Variants in ACOT7 observed in about 807,000 individuals in gnomAD.
ACOT7 encodes the protein acyl-CoA thioesterase 7, also known as cytosolic acyl coenzyme A thioester hydrolase.
In ACOT7, 12 loss-of-function variants were observed where a neutral mutation model predicts 40.2. The ratio of observed to expected loss-of-function variants is 0.30; its 90% CI spans 0.19 to 0.48. The LOEUF is 0.48. ACOT7 is among the 20% of genes least tolerant of loss of function. ACOT7 has a pLI of 0.99. For missense variants in ACOT7, 395 were observed against 530.8 expected, an observed-to-expected ratio of 0.74 and a Z score of 2.51; for synonymous variants, 228 against 219.5, an observed-to-expected ratio of 1.04 and a Z score of -0.34.
Position 6,306,965 on chromosome 1 carries a change from C to T in ACOT7, c.712+11527G>A, listed in dbSNP as rs1397835486. ...AGCGTCTTGGTGGAGGCCTCACTTG[C>T]GTCCCCTCCCATGTTTTCTCTGCCT... On this transcript the variant is annotated intron_variant, in intron 6 of 8. Coordinates refer to ENST00000361521, the MANE Select transcript of ACOT7 (RefSeq NM_007274.4). This position sits in a 1 kb window ranked among gnomAD's most constrained non-coding sequence, Gnocchi z 4.3. 4 of 1,254,840 alleles carry T rather than the reference C, an allele frequency of 3.2e-6. No individual in the cohort carries two copies. The highest frequency in any genetic ancestry group is 4.2e-6 in the Non-Finnish European group (4 of 958,302). The allele number at this position is 1,254,840 out of a possible 1,614,324, so 77.7% of individuals were successfully genotyped here.
At chr1:6,384,702 TC>T (rs1328090085) in intron 1 of ACOT7, among the ~76,000 whole-genome samples, 1 of 151,656 alleles carries the variant, frequency 6.6e-6, no homozygotes, top group African/African-American at 2.4e-5. Context: ...CCAGCTCCCA[TC>T]CTGAAGCTAT....
chr1:6,382,177 G>C (rs912152337), intron 1 of ACOT7, among the ~76,000 whole-genome samples: 1 of 151,326 alleles, frequency 6.6e-6, no homozygotes, highest in African/African-American at 2.4e-5. Flanking sequence ...ACTTTGGGAG[G>C]CCGAGGCAGG....
chr1:6,393,137 CG>C, intron 1 of ACOT7, 119 bp downstream of exon 1: 1 of 1,091,454 alleles, frequency 9.2e-7, no homozygotes, highest in Non-Finnish European at 1.1e-6. Flanking sequence ...GAAGGCCGTG[CG>C]GGGAATCGGC....
At chr1:6,313,987 C>T (rs1046980081) in intron 6 of ACOT7, among the ~76,000 whole-genome samples, 16 of 152,228 alleles carry the variant, frequency 1.1e-4, no homozygotes, top group African/African-American at 3.6e-4. Flanking sequence ...CCAACCCAGG[C>T]GAGTGCAAAG....
chr1:6,290,846 C>T (rs1639641463), intron 7 of ACOT7, among the ~76,000 whole-genome samples: 1 of 152,230 alleles, frequency 6.6e-6, no homozygotes, highest in Admixed American at 6.5e-5. Flanking sequence ...TCTCTGAAGT[C>T]AGGGTCCGGA....
chr1:6,392,603 G>C (rs114818985), intron 1 of ACOT7, among the ~76,000 whole-genome samples: 1 of 152,152 alleles, frequency 6.6e-6, no homozygotes, highest in African/African-American at 2.4e-5. Flanking sequence ...ATGCTTTCAG[G>C]CCCAACAGAC....
intron 7 of ACOT7, among the ~76,000 whole-genome samples, chr1:6,286,828 T>G (rs1186393801): frequency 6.6e-6 from 1 of 152,196 alleles, no homozygotes; most frequent in African/African-American, 2.4e-5. Context: ...ACTGCCCGCA[T>G]TCATTATGTC....
chr1:6,264,875 G>A (rs189098509), intron 8 of ACOT7, among the ~76,000 whole-genome samples, 180 bp from the exon 9 acceptor site: 6 of 152,330 alleles, frequency 3.9e-5, no homozygotes, highest in Non-Finnish European at 8.8e-5. Context: ...CCAGGCATGG[G>A]GCTCATGTCC....
chr1:6,283,839 T>C (rs1194423636), intron 7 of ACOT7, among the ~76,000 whole-genome samples: 1 of 152,152 alleles, frequency 6.6e-6, no homozygotes, highest in African/African-American at 2.4e-5. Context: ...ACTTTAAAAC[T>C]GGAAACCTAA....
In ACOT7 at chr1:6,289,332, T is replaced by C. The variant is rs1161434877; in HGVS notation, c.829+5532A>G. 6.6e-6 allele frequency among the ~76,000 whole-genome samples: 1 copy of C among 152,108 alleles called. No homozygotes were observed. Among genetic ancestry groups the C allele is most frequent in the Non-Finnish European group, 1.5e-5 (1 of 68,018 alleles). ...CCAGGCTGGTCTCGAACTCCTGACC[T>C]CAGGTGATCAGACTGCCTCGGCCTC... On this transcript the variant is annotated intron_variant, in intron 7 of 8. Transcript: ENST00000361521. The surrounding 1 kb of genome is among the most constrained non-coding windows in gnomAD (Gnocchi z 4.6).
At chr1:6,388,451 G>A (rs1444343091) in intron 1 of ACOT7, among the ~76,000 whole-genome samples, 1 of 151,078 alleles carries the variant, frequency 6.6e-6, no homozygotes, top group Non-Finnish European at 1.5e-5. Flanking sequence ...ACCAAAGACA[G>A]AGCCCGGCCT....
At chr1:6,331,140 A>C (rs1640941023) in intron 4 of ACOT7, among the ~76,000 whole-genome samples, 1 of 152,158 alleles carries the variant, frequency 6.6e-6, no homozygotes, top group Non-Finnish European at 1.5e-5. Flanking sequence ...AAGCAGGGAG[A>C]GAACAGCCCC....
Position 6,338,267 on chromosome 1 carries a change from CGG to C in ACOT7, c.418+1164_418+1165del, listed in dbSNP as rs1641164537. Among the ~76,000 whole-genome samples the C allele has an allele frequency of 1.3e-5, 2 of 152,192 alleles. No homozygotes were observed. The highest frequency in any genetic ancestry group is 1.3e-4 in the Admixed American group (2 of 15,284). ...GCCAAGGCTCCACCCCCAGCACAGTCGGAGAAGAGCTGCGATCTCACAGGAGA... is the reference window on the plus strand; with the variant it reads ...GCCAAGGCTCCACCCCCAGCACAGTCAGAAGAGCTGCGATCTCACAGGAGA... On this transcript the variant is annotated intron_variant, in intron 3 of 8. Transcript: ENST00000361521. This position sits in a 1 kb window ranked among gnomAD's most constrained non-coding sequence, Gnocchi z 4.4.
At chr1:6,265,925 T>C (rs1373076302) in intron 8 of ACOT7, among the ~76,000 whole-genome samples, 1 of 152,204 alleles carries the variant, frequency 6.6e-6, no homozygotes. Flanking sequence ...GAGGATGTAA[T>C]GTCAAGTTAT....
Position 6,306,410 on chromosome 1 carries a change from C to T in ACOT7, c.713-11430G>A. The stretch of plus-strand genomic sequence containing the variant: ...TCCTGGGACAGGTGCCTATAGGATG[C>T]TTGGACTGGAGTGATATGAACCCCA... On this transcript the variant is annotated intron_variant, in intron 6 of 8. Coordinates refer to ENST00000361521, the MANE Select transcript of ACOT7 (RefSeq NM_007274.4). The surrounding 1 kb of genome is among the most constrained non-coding windows in gnomAD (Gnocchi z 4.3). The T allele has an allele frequency of 1.5e-5, 15 of 985,316 alleles. No homozygotes were observed. Among genetic ancestry groups the T allele is most frequent in the Non-Finnish European group, 1.8e-5 (15 of 829,910 alleles). The allele number at this position is 985,316 out of a possible 1,614,324, so 61.0% of individuals were successfully genotyped here.
Position 6,306,183 on chromosome 1 carries a change from G to A in ACOT7, c.713-11203C>T, listed in dbSNP as rs1640149346. Reference sequence around the variant, plus strand: ...CGGCATCAGAGGGAGACCGTGGCAAGAGAGGGAGAGGGAGACCGTGGGGAG... The same window carrying A: ...CGGCATCAGAGGGAGACCGTGGCAAAAGAGGGAGAGGGAGACCGTGGGGAG... On this transcript the variant is annotated intron_variant, in intron 6 of 8. Transcript: ENST00000361521. This position sits in a 1 kb window ranked among gnomAD's most constrained non-coding sequence, Gnocchi z 4.3. 3 of 915,714 alleles carry A rather than the reference G, an allele frequency of 3.3e-6. No homozygotes were observed. The highest frequency in any genetic ancestry group is 3.9e-5 in the African/African-American group (2 of 51,500). 56.7% of individuals were successfully genotyped at this position (915,714 alleles called of 1,614,324 possible).
chr1:6,322,282 TG>T (rs1403246407), intron 5 of ACOT7, among the ~76,000 whole-genome samples: 1 of 152,232 alleles, frequency 6.6e-6, no homozygotes, highest in Non-Finnish European at 1.5e-5. Flanking sequence ...TGTGGCTTTT[TG>T]GGAGGAGCTC....
At chr1:6,368,057 T>TGGAG (rs1320216850) in intron 1 of ACOT7, among the ~76,000 whole-genome samples, 2 of 152,012 alleles carry the variant, frequency 1.3e-5, no homozygotes, top group Non-Finnish European at 2.9e-5. Flanking sequence ...GGCCTCAGAG[T>TGGAG]GGAGGAAGTG....
At chr1:6,266,948 C>T (rs1167762712) in intron 8 of ACOT7, among the ~76,000 whole-genome samples, 2 of 152,194 alleles carry the variant, frequency 1.3e-5, no homozygotes, top group African/African-American at 4.8e-5. Flanking sequence ...GGGTTGGGAG[C>T]AGGAGAGCTG....
Sources: allele counts gnomAD v4.1 joint callset (sites outside exome capture counted in the v4.1 genomes callset), GRCh38; gene constraint gnomAD v4.1.1; non-coding constraint Gnocchi (gnomAD v3.1); transcripts MANE v1.5; gene names NCBI Gene and HGNC (gene_info 2026-07-23, HGNC 2026-07-21).